The following HERPUD2 variants were observed in gnomAD, a reference collection of about 807,000 sequenced individuals.
The protein encoded by HERPUD2 is homocysteine-responsive endoplasmic reticulum-resident ubiquitin-like domain member 2 protein.
A neutral mutation model predicts 49.9 loss-of-function variants in HERPUD2; 13 were observed. The ratio of observed to expected loss-of-function variants is 0.26; its 90% CI spans 0.17 to 0.41. HERPUD2 has a LOEUF of 0.41. HERPUD2 is among the 10% of genes least tolerant of loss of function. The probability of loss-of-function intolerance (pLI) is 1.00; values close to 1 mark genes in which losing one functional copy is unlikely to be tolerated. For synonymous variants in HERPUD2, 172 were observed against 171.4 expected, an observed-to-expected ratio of 1.00 and a Z score of -0.03; for missense variants, 449 against 492.2, an observed-to-expected ratio of 0.91 and a Z score of 0.83.
At chr7:35,634,776 GA>G (rs1447102230) in intron 7 of HERPUD2, among the ~76,000 whole-genome samples, 1 of 152,060 alleles carries the variant, frequency 6.6e-6, no homozygotes, top group Non-Finnish European at 1.5e-5. Flanking sequence ...GTCTACTTAT[GA>G]AAAAAATCTG....
At chr7:35,674,599 G>A (rs527772259) in intron 2 of HERPUD2, among the ~76,000 whole-genome samples, 1 of 151,702 alleles carries the variant, frequency 6.6e-6, no homozygotes, top group African/African-American at 2.4e-5. Context: ...CTGGTGGCTG[G>A]GGGACCCTAC....
At chr7:35,657,603 C>CAAAA (rs34292182) in intron 5 of HERPUD2, among the ~76,000 whole-genome samples, 1 of 57,078 alleles carries the variant, frequency 1.8e-5, no homozygotes, top group Non-Finnish European at 3.4e-5. Flanking sequence ...GACCTTCTCT[C>CAAAA]AAAAAAAAAA....
At chr7:35,674,404 TAGAGAGAG>T (rs3999932) in intron 2 of HERPUD2, among the ~76,000 whole-genome samples, 467 of 37,822 alleles carry the variant, frequency 0.012, 10 homozygotes, top group African/African-American at 0.032. Context: ...TATATATATA[TAGAGAGAG>T]AGAGAGAGAG....
chr7:35,639,400 A>G (rs1784928925), intron 5 of HERPUD2, among the ~76,000 whole-genome samples: 2 of 152,074 alleles, frequency 1.3e-5, no homozygotes, highest in South Asian at 2.1e-4. Context: ...CAGTTTCCTC[A>G]CTTCTAAAAT....
intron 5 of HERPUD2, among the ~76,000 whole-genome samples, chr7:35,656,328 G>A (rs1300920839): frequency 3.3e-5 from 5 of 151,790 alleles, no homozygotes; most frequent in Non-Finnish European, 7.4e-5. Flanking sequence ...AAATTGAAGA[G>A]GATATAAACA....
intron 5 of HERPUD2, among the ~76,000 whole-genome samples, chr7:35,666,952 A>G (rs537261223): frequency 1.2e-4 from 18 of 152,224 alleles, no homozygotes; most frequent in Non-Finnish European, 1.5e-4. Flanking sequence ...AAAACTTTTA[A>G]AAACAGATTG....
chr7:35,674,080 C>T (rs749492258), intron 2 of HERPUD2, among the ~76,000 whole-genome samples: 2 of 151,798 alleles, frequency 1.3e-5, no homozygotes, highest in Non-Finnish European at 2.9e-5. Context: ...TTAAATATGC[C>T]AAATCCAAGT....
In HERPUD2 at chr7:35,644,897, G is replaced by A. The variant is rs76227906; in HGVS notation, c.495-6425C>T. On this transcript the variant is annotated intron_variant, in intron 5 of 8. Transcript: ENST00000311350. ...ACTGAACACAAAGTGAATACTAGAT[G>A]ATATTGAAGATTTTTAAATTTTGTT... 4.4e-3 allele frequency among the ~76,000 whole-genome samples: 663 copies of A among 152,288 alleles called. 5 individuals are homozygous for A. Among genetic ancestry groups the A allele is most frequent in the Admixed American group, 6.2e-3 (95 of 15,290 alleles).
At chr7:35,680,002 C>A (rs908000704) in intron 2 of HERPUD2, among the ~76,000 whole-genome samples, 2 of 152,224 alleles carry the variant, frequency 1.3e-5, no homozygotes, top group Non-Finnish European at 2.9e-5. Flanking sequence ...TTTCTACCTA[C>A]ACTGCCATTA....
At chr7:35,689,597 C>T (rs1786137241) in intron 2 of HERPUD2, among the ~76,000 whole-genome samples, 1 of 152,154 alleles carries the variant, frequency 6.6e-6, no homozygotes, top group Non-Finnish European at 1.5e-5. Flanking sequence ...GTGTTATAAT[C>T]TCACAACAGA....
At chr7:35,666,912 A>G (rs1394142232) in intron 5 of HERPUD2, among the ~76,000 whole-genome samples, 1 of 152,254 alleles carries the variant, frequency 6.6e-6, no homozygotes, top group Non-Finnish European at 1.5e-5. Flanking sequence ...GTTGTTACCA[A>G]GTTGATTAGA....
chr7:35,639,374 T>C (rs2115834928), intron 5 of HERPUD2, among the ~76,000 whole-genome samples: 1 of 152,316 alleles, frequency 6.6e-6, no homozygotes, highest in South Asian at 2.1e-4. Context: ...AGGTCACATT[T>C]AACTTCTCCA....
intron 5 of HERPUD2, among the ~76,000 whole-genome samples, chr7:35,660,096 C>G (rs1583552534): frequency 6.6e-6 from 1 of 152,164 alleles, no homozygotes; most frequent in African/African-American, 2.4e-5. Flanking sequence ...TCTCATTGTT[C>G]AGTTCCCACC....
At chr7:35,671,950 GA>G (rs1468775531) in intron 3 of HERPUD2, among the ~76,000 whole-genome samples, 1 of 150,126 alleles carries the variant, frequency 6.7e-6, no homozygotes, top group Non-Finnish European at 1.5e-5. Flanking sequence ...AAAAACAAGA[GA>G]AAAAAAAAGA....
chr7:35,641,354 C>T (rs140747039), intron 5 of HERPUD2, among the ~76,000 whole-genome samples: 3 of 152,258 alleles, frequency 2.0e-5, no homozygotes, highest in East Asian at 3.9e-4. Flanking sequence ...AAAATTCTAG[C>T]TCATGGATAA....
At chr7:35,680,457 T>C (rs1785856816) in intron 2 of HERPUD2, among the ~76,000 whole-genome samples, 1 of 152,046 alleles carries the variant, frequency 6.6e-6, no homozygotes, top group Non-Finnish European at 1.5e-5. Flanking sequence ...CAAACTTAGA[T>C]CAATCCTGTC....
Position 35,694,402 on chromosome 7 carries a change from G to A in HERPUD2, c.-72C>T. The stretch of plus-strand genomic sequence containing the variant: ...CAAAAGAGCCGAGATGGTCACCGCC[G>A]GCGCGACTGGGATGAGGACAGAAGT... On this transcript the variant is annotated 5_prime_UTR_variant, in exon 2 of 9. Transcript: ENST00000311350. 1.3e-6 allele frequency: 2 copies of A among 1,523,000 alleles called. No homozygotes were observed. Among genetic ancestry groups the A allele is most frequent in the Non-Finnish European group, 1.8e-6 (2 of 1,099,574 alleles). 94.3% of individuals were successfully genotyped at this position (1,523,000 alleles called of 1,614,324 possible).
At chr7:35,647,017 T>C (rs1785066276) in intron 5 of HERPUD2, among the ~76,000 whole-genome samples, 1 of 152,122 alleles carries the variant, frequency 6.6e-6, no homozygotes, top group Admixed American at 6.5e-5. Context: ...TTCACAATTA[T>C]ATACTTGAAA....
At chr7:35,683,761 A>G (rs914873577) in intron 2 of HERPUD2, among the ~76,000 whole-genome samples, 1 of 152,216 alleles carries the variant, frequency 6.6e-6, no homozygotes, top group Non-Finnish European at 1.5e-5. Flanking sequence ...GGACATGACA[A>G]TTCTCAAAAG....
Sources: allele counts gnomAD v4.1 joint callset (sites outside exome capture counted in the v4.1 genomes callset), GRCh38; gene constraint gnomAD v4.1.1; transcripts MANE v1.5; gene names NCBI Gene and HGNC (gene_info 2026-07-23, HGNC 2026-07-21).